The following GPA33 variants were observed in gnomAD, a reference collection of about 807,000 sequenced individuals.
The protein encoded by GPA33 is glycoprotein A33, also known as cell surface A33 antigen.
A neutral mutation model predicts 35.6 loss-of-function variants in GPA33; 27 were observed. That is an observed-to-expected ratio of 0.76 (90% CI 0.56 to 1.04). The LOEUF is 1.04. GPA33 is among the 50% of genes least tolerant of loss of function. The pLI, the probability that GPA33 is intolerant of heterozygous loss-of-function variation, is 0.00. For synonymous variants in GPA33, 176 were observed against 164.0 expected (o/e 1.07, Z -0.56); for missense variants, 428 against 411.9 (o/e 1.04, Z -0.34).
chr1:167,085,527 A>G lies in GPA33; in HGVS notation c.43+4718T>C, dbSNP rs115649716. Among the ~76,000 whole-genome samples the G allele has an allele frequency of 6.3e-3, 955 of 152,236 alleles. 13 individuals carry two copies. Among genetic ancestry groups the G allele is most frequent in the African/African-American group, 0.022 (911 of 41,540 alleles). The stretch of plus-strand genomic sequence containing the variant: ...ATGAGGATCACACCTGTGCCCATGA[A>G]CCAATTCTTCCCTATGGCCTTGCTT... On this transcript the variant is annotated intron_variant, in intron 1 of 6. Coordinates refer to ENST00000367868, the MANE Select transcript of GPA33 (RefSeq NM_005814.3).
At position 167,063,179 on chromosome 1, in the gene GPA33, G is replaced by A. The variant is rs182324994; in HGVS notation, c.571+403C>T. On this transcript the variant is annotated intron_variant, in intron 4 of 6. Coordinates refer to ENST00000367868, the MANE Select transcript of GPA33 (RefSeq NM_005814.3). ...GCGATGGCTCACGCCTGTAATCCCAGCACTTTGAGAGGCTGAGGCGGGTGG... is the reference window on the plus strand; with the variant it reads ...GCGATGGCTCACGCCTGTAATCCCAACACTTTGAGAGGCTGAGGCGGGTGG... 2.0e-5 allele frequency among the ~76,000 whole-genome samples: 3 copies of A among 152,336 alleles called. No individual in the cohort carries two copies. The East Asian group carries it at 5.8e-4, about 29-fold the overall frequency.
At chr1:167,056,507 T>A (rs1385885856) in intron 4 of GPA33, among the ~76,000 whole-genome samples, 2 of 141,954 alleles carry the variant, frequency 1.4e-5, no homozygotes, top group Non-Finnish European at 3.1e-5. Context: ...GTGTGGTGTG[T>A]CAGTGATGTG....
Position 167,068,982 on chromosome 1 carries a change from C to A in GPA33, c.355G>T (p.Val119Phe), listed in dbSNP as rs72689400. ...MADNGTYECS[V>F]SLMSDLEGNT... ...CCCTCCAGGTCTGACATCAGCGAGA[C>A]AGAACACTCGTAGGTGCCGTTGTCA... The change falls in exon 3 of 7, where the codon GTC becomes TTC. Residue 119 changes from valine (V) to phenylalanine (F), a missense_variant. Transcript: ENST00000367868. 21,541 of 1,613,984 alleles carry A rather than the reference C, an allele frequency of 0.013. 187 individuals are homozygous for A. Among genetic ancestry groups the A allele is most frequent in the Non-Finnish European group, 0.016 (18,542 of 1,179,992 alleles).
intron 4 of GPA33, among the ~76,000 whole-genome samples, chr1:167,056,494 G>GGTGTGTCAGT (rs1666256486): frequency 6.8e-6 from 1 of 147,942 alleles, no homozygotes; most frequent in African/African-American, 2.5e-5. Flanking sequence ...CAGTGTGTGT[G>GGTGTGTCAGT]GTGTGTGGTG....
intron 5 of GPA33, 30 bp from the exon 6 acceptor site, chr1:167,055,141 C>A: frequency 6.2e-7 from 1 of 1,608,660 alleles, no homozygotes; most frequent in Non-Finnish European, 8.5e-7. Flanking sequence ...CTGCACTTGC[C>A]GAGCTTCTAA....
intron 1 of GPA33, among the ~76,000 whole-genome samples, chr1:167,074,051 A>T (rs1426551185): frequency 1.3e-5 from 2 of 150,990 alleles, no homozygotes; most frequent in Non-Finnish European, 2.9e-5. Flanking sequence ...TATGAATAAG[A>T]TTATATCGAG....
chr1:167,085,838 A>G (rs1044979528), intron 1 of GPA33, among the ~76,000 whole-genome samples: 1 of 152,232 alleles, frequency 6.6e-6, no homozygotes, highest in Admixed American at 6.5e-5. Flanking sequence ...TTAAGTTCCA[A>G]TTCGTCTCTA....
chr1:167,083,923 G>A (rs961213829), intron 1 of GPA33, among the ~76,000 whole-genome samples: 1 of 150,206 alleles, frequency 6.7e-6, no homozygotes, highest in Non-Finnish European at 1.5e-5. Context: ...CCAAATACAG[G>A]ACAAGTAAAA....
chr1:167,054,535 A>C, intron 6 of GPA33, 69 bp from the exon 7 acceptor site: 2 of 1,598,216 alleles, frequency 1.3e-6, no homozygotes, highest in South Asian at 1.1e-5. Context: ...GCTGGGCCTC[A>C]TGTGCATTAC....
intron 1 of GPA33, among the ~76,000 whole-genome samples, chr1:167,086,414 G>T (rs1286223108): frequency 6.6e-6 from 1 of 152,236 alleles, no homozygotes; most frequent in East Asian, 1.9e-4. Flanking sequence ...CACATCTGAG[G>T]CTAAGCCCCT....
intron 1 of GPA33, among the ~76,000 whole-genome samples, chr1:167,089,665 G>C (rs1442327065): frequency 1.3e-5 from 2 of 152,132 alleles, no homozygotes; most frequent in East Asian, 3.9e-4. Flanking sequence ...CCCTCCCAGA[G>C]GGAAATGCTC....
At chr1:167,075,484 T>C (rs998367406) in intron 1 of GPA33, among the ~76,000 whole-genome samples, 1 of 152,152 alleles carries the variant, frequency 6.6e-6, no homozygotes, top group African/African-American at 2.4e-5. Flanking sequence ...CCTCAGCAAC[T>C]GGAAGAATGG....
intron 4 of GPA33, 109 bp downstream of exon 4, chr1:167,063,473 C>T (rs1666511353): frequency 3.4e-6 from 3 of 882,594 alleles, no homozygotes; most frequent in South Asian, 1.7e-5. Context: ...GGGAAGCAAG[C>T]GGCCTTCAGG....
chr1:167,073,964 A>C (rs1666773946), intron 1 of GPA33, among the ~76,000 whole-genome samples: 1 of 152,030 alleles, frequency 6.6e-6, no homozygotes, highest in East Asian at 1.9e-4. Flanking sequence ...ATTACCTGCC[A>C]TCGTTTTGGT....
rs1263860121 is a variant in GPA33 at position 167,073,421 on chromosome 1, T to A, written c.162A>T (p.Gly54=). The change falls in exon 2 of 7, where the codon GGA becomes GGT. Residue 54 remains glycine, a synonymous_variant. Coordinates refer to ENST00000367868, the MANE Select transcript of GPA33 (RefSeq NM_005814.3). ...TYHTSTSSRE[G]LIQWDKLLLT... ...GGAGGAGCTTATCCCATTGAATAAG[T>A]CCCTCTCGACTGGAGGTGGAAGTGT... The A allele has an allele frequency of 1.2e-6, 2 of 1,613,862 alleles. No individual in the cohort carries two copies. Among genetic ancestry groups the A allele is most frequent in the South Asian group, 1.1e-5 (1 of 91,074 alleles).
rs1666761544 is a variant in GPA33, at chr1:167,073,485, G to A, written c.98C>T (p.Ala33Val). Residue 33 changes from alanine to valine, a missense_variant, in exon 2 of 7, where the codon GCT becomes GTT. By Grantham distance (64) the Ala-to-Val change is moderately conservative. Coordinates refer to ENST00000367868, the MANE Select transcript of GPA33 (RefSeq NM_005814.3). ...SVETPQDVLR[A>V]SQGKSVTLPC... is the part of the protein sequence containing the mutation. Reference sequence around the variant, plus strand: ...CAGGGTGACACTCTTTCCCTGCGAAGCCCGAAGAACGTCCTGCGGAGTTTC... The same window carrying A: ...CAGGGTGACACTCTTTCCCTGCGAAACCCGAAGAACGTCCTGCGGAGTTTC... 6.2e-7 allele frequency: 1 copy of A among 1,613,448 alleles called. No homozygotes were observed. The highest frequency in any genetic ancestry group is 1.3e-5 in the African/African-American group (1 of 74,926).
In GPA33 at chr1:167,080,744, A is replaced by T. The variant is rs79706469; in HGVS notation, c.44-7205T>A. On this transcript the variant is annotated intron_variant, in intron 1 of 6. Coordinates refer to ENST00000367868, the MANE Select transcript of GPA33 (RefSeq NM_005814.3). ...CTGGGACATAAAGGACTCTACAGGC[A>T]ATCTAGGTTGTCATGTCTCTCTCCT... is the stretch of plus-strand genomic sequence containing the variant. Among the ~76,000 whole-genome samples, 892 of 152,286 alleles carry T rather than the reference A, an allele frequency of 5.9e-3. 11 individuals carry two copies. Among genetic ancestry groups the T allele is most frequent in the African/African-American group, 0.02 (848 of 41,552 alleles).
At chr1:167,073,307 C>T (rs1274962321) in intron 2 of GPA33, 78 bp downstream of exon 2, 1 of 1,227,542 alleles carries the variant, frequency 8.1e-7, no homozygotes, top group African/African-American at 1.5e-5. Flanking sequence ...GGAAAGACTT[C>T]ATAGTGCTTG....
intron 1 of GPA33, 82 bp downstream of exon 1, chr1:167,090,163 C>T: frequency 9.1e-7 from 1 of 1,097,136 alleles, no homozygotes; most frequent in Non-Finnish European, 1.4e-6. Context: ...CCTGGGAAGG[C>T]TCTGACAGAG....
Sources: gnomAD v4.1 joint callset for allele counts (sites outside exome capture counted in the v4.1 genomes callset) on GRCh38, gnomAD v4.1.1 for gene constraint, MANE v1.5 for transcripts, NCBI Gene and HGNC (gene_info 2026-07-23, HGNC 2026-07-21) for gene names.